Variants in RPS6KC1 observed in about 807,000 individuals in gnomAD.
RPS6KC1 encodes the protein inactive ribosomal protein S6 kinase delta-1.
RPS6KC1 carries 54 observed loss-of-function variants against 103.8 expected under a neutral mutation model. The ratio of observed to expected loss-of-function variants is 0.52; its 90% CI spans 0.42 to 0.65. RPS6KC1 has a LOEUF of 0.65. RPS6KC1 is among the 30% of genes least tolerant of loss of function. The pLI is 0.00. For synonymous variants in RPS6KC1, 439 were observed against 438.7 expected, an observed-to-expected ratio of 1.00 and a Z score of -0.01; for missense variants, 1,151 against 1,253.8, an observed-to-expected ratio of 0.92 and a Z score of 1.24.
Position 213,129,620 on chromosome 1 carries a change from C to T in RPS6KC1, c.566C>T (p.Pro189Leu). The T allele has an allele frequency of 6.2e-7, 1 of 1,613,944 alleles. No individual in the cohort carries two copies. ...DDGMASNQNSPIRTFGLNLSS... is the reference protein window; with the variant it reads ...DDGMASNQNSLIRTFGLNLSS... Reference sequence around the variant, plus strand: ...GGAATGGCTTCCAATCAAAATTCTCCCATTAGAACTTTTGGTCTCAATCTT... The same window carrying T: ...GGAATGGCTTCCAATCAAAATTCTCTCATTAGAACTTTTGGTCTCAATCTT... Residue 189 changes from proline to leucine, a missense_variant, in exon 6 of 15, where the codon CCC (proline) becomes CTC (leucine). By Grantham distance (98) the Pro-to-Leu change is moderately conservative. Around this residue, in one of 3 missense-constraint regions of RPS6KC1, gnomAD observed 959 missense variants for 1,006.3 expected, o/e 0.95. Coordinates refer to ENST00000366960, the MANE Select transcript of RPS6KC1 (RefSeq NM_012424.6).
chr1:213,117,010 C>T (rs920920612), intron 4 of RPS6KC1, among the ~76,000 whole-genome samples: 3 of 151,980 alleles, frequency 2.0e-5, no homozygotes, highest in African/African-American at 7.2e-5. Context: ...AAATAATAGT[C>T]TATTTCTAGG....
intron 6 of RPS6KC1, among the ~76,000 whole-genome samples, chr1:213,161,487 A>G (rs2090469380): frequency 2.6e-5 from 4 of 151,932 alleles, no homozygotes; most frequent in Admixed American, 2.0e-4. Context: ...TGCCCAGCTA[A>G]TTTTTGTATT....
chr1:213,571,845 CTG>C, the RPS6KC1 span, among the ~76,000 whole-genome samples: 1 of 152,132 alleles, frequency 6.6e-6, no homozygotes, highest in African/African-American at 2.4e-5. Flanking sequence ...TGCACCCAAG[CTG>C]TGAGGATCTT....
the RPS6KC1 span, among the ~76,000 whole-genome samples, chr1:213,797,318 C>T: frequency 2.6e-5 from 4 of 152,124 alleles, no homozygotes; most frequent in African/African-American, 9.7e-5. Context: ...AAAGAATATA[C>T]ATTAACTAAA....
chr1:213,830,283 G>A, the RPS6KC1 span, among the ~76,000 whole-genome samples: 3 of 152,086 alleles, frequency 2.0e-5, no homozygotes. Flanking sequence ...AACATACTGG[G>A]CGGGTCATGA....
At chr1:213,536,410 C>A in the RPS6KC1 span, among the ~76,000 whole-genome samples, 1 of 152,076 alleles carries the variant, frequency 6.6e-6, no homozygotes, top group Non-Finnish European at 1.5e-5. Context: ...AGACAATCAG[C>A]AAATAAGTAA....
the RPS6KC1 span, among the ~76,000 whole-genome samples, chr1:213,719,523 A>G: frequency 1.3e-5 from 2 of 151,886 alleles, no homozygotes; most frequent in Admixed American, 6.6e-5. Flanking sequence ...GTTTCTGGAA[A>G]TAATATTTAC....
At chr1:213,192,884 G>A (rs1249662878) in intron 8 of RPS6KC1, among the ~76,000 whole-genome samples, 1 of 152,220 alleles carries the variant, frequency 6.6e-6, no homozygotes, top group Non-Finnish European at 1.5e-5. Flanking sequence ...ATTTTGGGAT[G>A]TTGTGTTTCC....
the RPS6KC1 span, among the ~76,000 whole-genome samples, chr1:213,810,634 A>G: frequency 6.6e-6 from 1 of 152,184 alleles, no homozygotes; most frequent in Non-Finnish European, 1.5e-5. Flanking sequence ...AGAAACAAAC[A>G]CCATTAGCTG....
rs566969624 is a variant in RPS6KC1, at chr1:213,157,215, A to ATT, written c.836-10628_836-10627dup. Among the ~76,000 whole-genome samples, 43 of 141,142 alleles carry ATT rather than the reference A, an allele frequency of 3.0e-4. No individual in the cohort carries two copies. In the East Asian group the frequency reaches 6.3e-3, roughly 21 times the overall value. 92.6% of individuals were successfully genotyped at this position (141,142 alleles called of 152,430 possible). ...ATATATGTGAATTTTCCAATTTTTA[A>ATT]TTTTTTTTTTTTTTTTGAGACAGAG... On this transcript the variant is annotated intron_variant, in intron 6 of 14. Transcript: ENST00000366960.
chr1:213,593,170 A>G, the RPS6KC1 span, among the ~76,000 whole-genome samples: 1 of 151,562 alleles, frequency 6.6e-6, no homozygotes, highest in Non-Finnish European at 1.5e-5. Context: ...AAGGTGACAG[A>G]GTCAGAGAGG....
At chr1:213,351,573 T>C in the RPS6KC1 span, among the ~76,000 whole-genome samples, 2 of 152,148 alleles carry the variant, frequency 1.3e-5, no homozygotes, top group Non-Finnish European at 2.9e-5. Context: ...TGAAGTAGTA[T>C]CATCAAGTGC....
At chr1:213,457,277 A>G in the RPS6KC1 span, among the ~76,000 whole-genome samples, 1 of 152,194 alleles carries the variant, frequency 6.6e-6, no homozygotes, top group South Asian at 2.1e-4. Flanking sequence ...GCTCCACGCC[A>G]TCCTCGGCAA....
At chr1:213,275,124 G>T (rs2095109364), downstream of RPS6KC1, among the ~76,000 whole-genome samples, 1 of 152,122 alleles carries the variant, frequency 6.6e-6, no homozygotes, top group Non-Finnish European at 1.5e-5. Context: ...CCATGCTGTA[G>T]CATTTATCAG....
the RPS6KC1 span, among the ~76,000 whole-genome samples, chr1:213,597,872 A>C: frequency 6.6e-6 from 1 of 152,244 alleles, no homozygotes; most frequent in African/African-American, 2.4e-5. Flanking sequence ...GACTAGGGTC[A>C]GGCAAATGTG....
the RPS6KC1 span, among the ~76,000 whole-genome samples, chr1:213,665,235 T>C: frequency 1.3e-5 from 2 of 151,616 alleles, no homozygotes; most frequent in African/African-American, 4.8e-5. Context: ...CATTTTTCGA[T>C]GTCAAAATAA....
the RPS6KC1 span, among the ~76,000 whole-genome samples, chr1:213,772,924 G>C: frequency 4.6e-5 from 7 of 152,170 alleles, no homozygotes; most frequent in Admixed American, 6.6e-5. Context: ...TGCAGAAAGG[G>C]GGGTAATGAA....
chr1:213,127,493 G>T (rs1357296988), intron 5 of RPS6KC1, among the ~76,000 whole-genome samples: 1 of 152,174 alleles, frequency 6.6e-6, no homozygotes, highest in South Asian at 2.1e-4. Flanking sequence ...TTGAGGAAAA[G>T]CACTTATGCA....
At chr1:213,532,348 G>A in the RPS6KC1 span, among the ~76,000 whole-genome samples, 3 of 98,098 alleles carry the variant, frequency 3.1e-5, no homozygotes, top group Non-Finnish European at 5.4e-5. Context: ...AGGAGTTACA[G>A]GGGGAGGGGC....
Sources: gnomAD v4.1 joint callset for allele counts (sites outside exome capture counted in the v4.1 genomes callset) on GRCh38, gnomAD v4.1.1 for gene constraint, gnomAD v4.1.1 regional missense constraint, MANE v1.5 for transcripts, NCBI Gene and HGNC (gene_info 2026-07-23, HGNC 2026-07-21) for gene names.